NKAIN2: variants seen among roughly 807,000 people sequenced by gnomAD.
NKAIN2 encodes sodium/potassium transporting ATPase interacting 2.
In NKAIN2, 14 loss-of-function variants were observed where a neutral mutation model predicts 32.6. The ratio of observed to expected loss-of-function variants is 0.43; its 90% confidence interval spans 0.28 to 0.67. The LOEUF (loss-of-function observed/expected upper bound fraction) is 0.67, where lower values mean the gene tolerates loss of function less well. NKAIN2 is among the 30% of genes least tolerant of loss of function. NKAIN2 has a pLI of 0.17. For synonymous variants in NKAIN2, 80 were observed against 87.2 expected, an observed-to-expected ratio of 0.92 and a Z score of 0.46; for missense variants, 198 against 258.3, an observed-to-expected ratio of 0.77 and a Z score of 1.60.
chr6:124,629,963 C>A (rs368879455), intron 3 of NKAIN2, among the ~76,000 whole-genome samples: 2 of 151,962 alleles, frequency 1.3e-5, no homozygotes, highest in Non-Finnish European at 2.9e-5. Flanking sequence ...GGTTGGGTAG[C>A]GAAGGACTAC....
intron 3 of NKAIN2, among the ~76,000 whole-genome samples, chr6:124,520,032 C>T (rs1054301006): frequency 1.3e-5 from 2 of 152,092 alleles, no homozygotes; most frequent in African/African-American, 4.8e-5. Context: ...AGCAAGGTCA[C>T]AGACAAGTAA....
intron 3 of NKAIN2, among the ~76,000 whole-genome samples, chr6:124,498,698 A>G (rs952299817): frequency 6.6e-6 from 1 of 152,118 alleles, no homozygotes; most frequent in Non-Finnish European, 1.5e-5. Flanking sequence ...TTTTTCTATT[A>G]TGTCTGAGAT....
intron 2 of NKAIN2, among the ~76,000 whole-genome samples, chr6:124,288,024 A>C (rs1436794687): frequency 6.6e-6 from 1 of 152,028 alleles, no homozygotes. Context: ...AGAAAAAAAA[A>C]GTTTCAAAAT....
At chr6:124,733,284 T>C (rs998350199) in intron 4 of NKAIN2, among the ~76,000 whole-genome samples, 2 of 151,896 alleles carry the variant, frequency 1.3e-5, no homozygotes, top group African/African-American at 4.8e-5. Flanking sequence ...AATATTACAG[T>C]ATAAAGAGTA....
chr6:124,793,442 A>G (rs574140657), intron 5 of NKAIN2, among the ~76,000 whole-genome samples: 1 of 152,278 alleles, frequency 6.6e-6, no homozygotes, highest in East Asian at 1.9e-4. Context: ...ATTACCATTC[A>G]GTGTCTGTGT....
At chr6:123,981,159 G>T (rs914698505) in intron 1 of NKAIN2, among the ~76,000 whole-genome samples, 1 of 152,094 alleles carries the variant, frequency 6.6e-6, no homozygotes, top group East Asian at 1.9e-4. Context: ...GAGCCACCAC[G>T]CCCAGGCCTC....
At chr6:124,413,912 A>C (rs1454548980) in intron 3 of NKAIN2, among the ~76,000 whole-genome samples, 1 of 152,146 alleles carries the variant, frequency 6.6e-6, no homozygotes, top group African/African-American at 2.4e-5. Context: ...CATTTATTAG[A>C]TCCAGAAGCA....
intron 1 of NKAIN2, among the ~76,000 whole-genome samples, chr6:124,220,576 A>C (rs1045619041): frequency 2.6e-5 from 4 of 151,026 alleles, no homozygotes; most frequent in African/African-American, 9.7e-5. Flanking sequence ...GTACATCTTA[A>C]ATTTTTTTCT....
intron 1 of NKAIN2, among the ~76,000 whole-genome samples, chr6:124,116,990 G>A (rs1177304743): frequency 6.6e-5 from 10 of 151,846 alleles, no homozygotes; most frequent in Non-Finnish European, 1.3e-4. Flanking sequence ...AGGAGAATAC[G>A]GGATGGATAT....
chr6:124,111,897 A>G (rs1042346048), intron 1 of NKAIN2, among the ~76,000 whole-genome samples: 7 of 151,834 alleles, frequency 4.6e-5, no homozygotes, highest in Admixed American at 1.3e-4. Context: ...ATATCTTACA[A>G]CTGTCTACTT....
At chr6:124,474,869 C>CATATATAATAT (rs1562207689) in intron 3 of NKAIN2, among the ~76,000 whole-genome samples, 1 of 145,804 alleles carries the variant, frequency 6.9e-6, no homozygotes, top group East Asian at 2.0e-4. Flanking sequence ...ATTTTATATA[C>CATATATAATAT]ATATATTGTA....
intron 3 of NKAIN2, among the ~76,000 whole-genome samples, chr6:124,456,201 A>T (rs1776315970): frequency 6.6e-6 from 1 of 151,996 alleles, no homozygotes; most frequent in Non-Finnish European, 1.5e-5. Context: ...ATGTCAATAC[A>T]TACAAAGCTT....
chr6:123,992,745 C>A (rs184835977), intron 1 of NKAIN2, among the ~76,000 whole-genome samples: 1 of 152,188 alleles, frequency 6.6e-6, no homozygotes, highest in Non-Finnish European at 1.5e-5. Flanking sequence ...ATGATCCAAT[C>A]GGAGTAATTC....
At chr6:123,812,205 C>T (rs547022457) in intron 1 of NKAIN2, among the ~76,000 whole-genome samples, 1 of 152,164 alleles carries the variant, frequency 6.6e-6, no homozygotes, top group Admixed American at 6.5e-5. Flanking sequence ...CCCTATTAAT[C>T]TTCCATGGAA....
chr6:124,160,411 G>A lies in NKAIN2; in HGVS notation c.55-122594G>A, dbSNP rs74406316. Among the ~76,000 whole-genome samples, 673 of 152,172 alleles carry A rather than the reference G, an allele frequency of 4.4e-3. 8 individuals are homozygous for A. Among genetic ancestry groups the A allele is most frequent in the African/African-American group, 0.016 (657 of 41,524 alleles). ...TATTCAGGTTTTCCTTGAAAGAGCTGTATGTGGGAACAACTGTATTTTCTA... is the reference window on the plus strand; with the variant it reads ...TATTCAGGTTTTCCTTGAAAGAGCTATATGTGGGAACAACTGTATTTTCTA... On this transcript the variant is annotated intron_variant, in intron 1 of 6. Transcript: ENST00000368417.
chr6:124,411,642 A>G (rs1433953994), intron 3 of NKAIN2, among the ~76,000 whole-genome samples: 2 of 152,190 alleles, frequency 1.3e-5, no homozygotes, highest in African/African-American at 4.8e-5. Flanking sequence ...ACTTTGGTGA[A>G]TCTGACAATT....
At chr6:124,771,243 CTA>C (rs1778738558) in intron 4 of NKAIN2, among the ~76,000 whole-genome samples, 1 of 152,118 alleles carries the variant, frequency 6.6e-6, no homozygotes, top group South Asian at 2.1e-4. Context: ...TTAGTTTAGG[CTA>C]TGTTTAACAC....
chr6:124,645,807 G>A (rs1322621949), intron 3 of NKAIN2, among the ~76,000 whole-genome samples: 1 of 152,174 alleles, frequency 6.6e-6, no homozygotes, highest in Non-Finnish European at 1.5e-5. Context: ...GCTGTTCCCA[G>A]TGTTGGGAAT....
chr6:124,620,752 A>T (rs1783075653), intron 3 of NKAIN2, among the ~76,000 whole-genome samples: 1 of 152,202 alleles, frequency 6.6e-6, no homozygotes, highest in Admixed American at 6.5e-5. Context: ...ATAAAATAAC[A>T]AGCTCAAAAG....
Sources: allele counts gnomAD v4.1 joint callset (sites outside exome capture counted in the v4.1 genomes callset), GRCh38; gene constraint gnomAD v4.1.1; transcripts MANE v1.5; gene names NCBI Gene and HGNC (gene_info 2026-07-23, HGNC 2026-07-21).